The following SAMD5 variants were observed in gnomAD, a reference collection of about 807,000 sequenced individuals.
SAMD5 encodes the protein sterile alpha motif domain containing 5.
Under a neutral mutation model 11.3 loss-of-function variants are expected in SAMD5, and 13 were observed. That is an observed-to-expected ratio of 1.15 (90% CI 0.75 to 1.83). The LOEUF (loss-of-function observed/expected upper bound fraction) is 1.83, where lower values mean the gene tolerates loss of function less well. Among genes scored for constraint, SAMD5 ranks in the 40% most tolerant of loss-of-function variants. The pLI is 0.00. For missense variants in SAMD5, 255 were observed against 239.1 expected, an observed-to-expected ratio of 1.07 and a Z score of -0.44; for synonymous variants, 129 against 111.3, an observed-to-expected ratio of 1.16 and a Z score of -1.00.
chr6:147,750,226 A>G, the SAMD5 span, among the ~76,000 whole-genome samples: 1 of 152,218 alleles, frequency 6.6e-6, no homozygotes, highest in Non-Finnish European at 1.5e-5. Flanking sequence ...AAGTGTCAAC[A>G]TGCATAAATA....
At chr6:147,714,396 G>C (rs1791439151) in intron 1 of SAMD5, among the ~76,000 whole-genome samples, 1 of 152,112 alleles carries the variant, frequency 6.6e-6, no homozygotes, top group Non-Finnish European at 1.5e-5. Context: ...GAAGGGGCTG[G>C]AGAAGCACGT....
At position 147,616,310 on chromosome 6, in the gene SAMD5, TTTA is replaced by T. The variant is rs201084405; in HGVS notation, c.162+106926_162+106928del. 4.2e-3 allele frequency among the ~76,000 whole-genome samples: 615 copies of T among 145,458 alleles called. 43 individuals carry two copies. The highest frequency in any genetic ancestry group is 0.015 in the African/African-American group (570 of 38,362). Reference sequence around the variant, plus strand: ...ATACTTCATATATATTTCATATATATTTATTCATATATACTTCATATATATTTC... The same window carrying T: ...ATACTTCATATATATTTCATATATATTTCATATATACTTCATATATATTTC... On this transcript the variant is annotated intron_variant, in intron 1 of 1. Coordinates refer to the SAMD5 transcript ENST00000566741.
chr6:147,690,695 G>C (rs1791088280), intron 1 of SAMD5, among the ~76,000 whole-genome samples: 1 of 152,094 alleles, frequency 6.6e-6, no homozygotes, highest in Admixed American at 6.6e-5. Context: ...ACAAAGTATG[G>C]TGGAAATTCA....
chr6:147,887,780 C>T, the SAMD5 span, among the ~76,000 whole-genome samples: 1 of 152,178 alleles, frequency 6.6e-6, no homozygotes, highest in Admixed American at 6.5e-5. Flanking sequence ...TACCATTTTA[C>T]ATCTCACAAA....
chr6:147,892,840 C>T, the SAMD5 span, among the ~76,000 whole-genome samples: 15 of 152,138 alleles, frequency 9.9e-5, no homozygotes, highest in African/African-American at 3.6e-4. Flanking sequence ...CTCATCTCTT[C>T]ATTTAAAAAA....
At position 147,508,873 on chromosome 6, in the gene SAMD5, G is replaced by T; in HGVS notation, c.-56G>T. 9.5e-6 allele frequency: 15 copies of T among 1,573,432 alleles called. No homozygotes were observed. The highest frequency in any genetic ancestry group is 1.7e-4 in the Middle Eastern group (1 of 5,766). ...ATTAAAAGTTCCAAGAACTGGTGCC[G>T]CCCGTGCCATTTGGGCGCTGGGAAG... On this transcript the variant is annotated 5_prime_UTR_variant, in exon 1 of 2. Coordinates refer to ENST00000367474, the MANE Select transcript of SAMD5 (RefSeq NM_001030060.3).
intron 1 of SAMD5, among the ~76,000 whole-genome samples, chr6:147,528,871 G>A (rs1788385780): frequency 6.6e-6 from 1 of 152,170 alleles, no homozygotes; most frequent in South Asian, 2.1e-4. Flanking sequence ...ATTTATTAGA[G>A]AATAACCCCC....
intron 1 of SAMD5, among the ~76,000 whole-genome samples, chr6:147,552,285 G>A (rs1788787480): frequency 6.6e-6 from 1 of 152,196 alleles, no homozygotes; most frequent in South Asian, 2.1e-4. Context: ...GTTGCTTCTT[G>A]AAGTAATACT....
the SAMD5 span, among the ~76,000 whole-genome samples, chr6:147,919,622 A>G: frequency 6.6e-6 from 1 of 152,174 alleles, no homozygotes; most frequent in African/African-American, 2.4e-5. Flanking sequence ...AAACCACAAT[A>G]CTTTTCCTTT....
chr6:147,777,110 TTAGGCCC>T, the SAMD5 span, among the ~76,000 whole-genome samples: 2 of 152,178 alleles, frequency 1.3e-5, no homozygotes, highest in African/African-American at 4.8e-5. Flanking sequence ...AGCATGAATG[TTAGGCCC>T]AGTAAAAAAT....
At chr6:147,870,551 A>C in the SAMD5 span, among the ~76,000 whole-genome samples, 1 of 151,584 alleles carries the variant, frequency 6.6e-6, no homozygotes, top group Middle Eastern at 3.4e-3. Context: ...TCTCCTTGGC[A>C]AATTTTAAGC....
At chr6:147,931,773 A>G in the SAMD5 span, among the ~76,000 whole-genome samples, 1 of 152,204 alleles carries the variant, frequency 6.6e-6, no homozygotes, top group Non-Finnish European at 1.5e-5. Context: ...TTATGTATTT[A>G]TCTGTATTAT....
the SAMD5 span, among the ~76,000 whole-genome samples, chr6:147,815,323 G>A: frequency 6.6e-6 from 1 of 152,210 alleles, no homozygotes; most frequent in African/African-American, 2.4e-5. Context: ...GCCAGGCGAT[G>A]TGCTGGACAA....
chr6:147,580,746 C>T (rs553594123), intron 1 of SAMD5, among the ~76,000 whole-genome samples: 2 of 152,122 alleles, frequency 1.3e-5, no homozygotes, highest in Admixed American at 1.3e-4. Context: ...CAATATATAT[C>T]TGGTGAATTC....
At chr6:147,805,493 A>G in the SAMD5 span, among the ~76,000 whole-genome samples, 4 of 152,164 alleles carry the variant, frequency 2.6e-5, no homozygotes, top group Non-Finnish European at 4.4e-5. Context: ...TATAGGGGAA[A>G]TTGGCCAATA....
intron 1 of SAMD5, among the ~76,000 whole-genome samples, chr6:147,594,724 T>C (rs1789504718): frequency 6.6e-6 from 1 of 152,116 alleles, no homozygotes; most frequent in African/African-American, 2.4e-5. Context: ...TCACTAACAG[T>C]CAATCAGAAA....
chr6:147,533,010 T>G (rs189789159), intron 1 of SAMD5, among the ~76,000 whole-genome samples: 2 of 152,046 alleles, frequency 1.3e-5, no homozygotes, highest in African/African-American at 4.8e-5. Context: ...AGTGGTGGTG[T>G]TTTACCTCCT....
At chr6:147,708,811 A>C (rs1382378213) in intron 1 of SAMD5, among the ~76,000 whole-genome samples, 2 of 152,216 alleles carry the variant, frequency 1.3e-5, no homozygotes, top group Non-Finnish European at 2.9e-5. Context: ...AGAAGGATTT[A>C]TGATTTTGAA....
intron 1 of SAMD5, among the ~76,000 whole-genome samples, chr6:147,655,964 C>T (rs1302699191): frequency 6.6e-6 from 1 of 152,126 alleles, no homozygotes; most frequent in Admixed American, 6.5e-5. Context: ...GACCAAATAA[C>T]ACAGCAACTG....
Sources: gnomAD v4.1 joint callset for allele counts (sites outside exome capture counted in the v4.1 genomes callset) on GRCh38, gnomAD v4.1.1 for gene constraint, MANE v1.5 for transcripts, NCBI Gene and HGNC (gene_info 2026-07-23, HGNC 2026-07-21) for gene names.